Variants in FRMD4A observed in about 807,000 individuals in gnomAD.
FRMD4A encodes FERM domain-containing protein 4A.
In FRMD4A, 29 loss-of-function variants were observed where a neutral mutation model predicts 129.1. The observed-to-expected ratio is 0.22, with a 90% CI of 0.17 to 0.31. FRMD4A has a LOEUF of 0.31. Among genes scored for constraint, FRMD4A ranks in the 10% least tolerant of loss-of-function variants. FRMD4A has a pLI of 1.00. For missense variants in FRMD4A, 1,272 were observed against 1,375.8 expected, an observed-to-expected ratio of 0.92 and a Z score of 1.19; for synonymous variants, 634 against 571.6, an observed-to-expected ratio of 1.11 and a Z score of -1.56.
intron 2 of FRMD4A, among the ~76,000 whole-genome samples, chr10:14,110,013 T>C (rs1447391207): frequency 7.0e-6 from 1 of 143,294 alleles, no homozygotes; most frequent in African/African-American, 2.6e-5. Flanking sequence ...TAAAAAAGGT[T>C]TTCAACTCGG....
At chr10:13,653,347 C>G (rs1167872131) in intron 23 of FRMD4A, 1 of 152,294 alleles carries the variant, frequency 6.6e-6, no homozygotes, top group Non-Finnish European at 1.5e-5. Flanking sequence ...AACCCTGTCT[C>G]TACTAGAGAT....
At chr10:14,214,044 C>T (rs1304017361) in intron 2 of FRMD4A, among the ~76,000 whole-genome samples, 1 of 152,246 alleles carries the variant, frequency 6.6e-6, no homozygotes, top group Non-Finnish European at 1.5e-5. Context: ...GCTCTCTTGG[C>T]TGCCGCCATG....
intron 2 of FRMD4A, among the ~76,000 whole-genome samples, chr10:14,320,650 G>A (rs1846941554): frequency 6.6e-6 from 1 of 152,212 alleles, no homozygotes; most frequent in South Asian, 2.1e-4. Flanking sequence ...CATGCAGTGT[G>A]ACCTAAGCAT....
intron 2 of FRMD4A, among the ~76,000 whole-genome samples, chr10:13,985,701 A>G (rs1357781463): frequency 6.6e-6 from 1 of 152,232 alleles, no homozygotes; most frequent in Non-Finnish European, 1.5e-5. Context: ...GCATAAGCCC[A>G]CTGGGTTGGC....
At chr10:13,872,746 A>C (rs550643888) in intron 2 of FRMD4A, among the ~76,000 whole-genome samples, 6 of 152,236 alleles carry the variant, frequency 3.9e-5, no homozygotes, top group Non-Finnish European at 8.8e-5. Context: ...CTCTGGCTTC[A>C]GTATGAGTGA....
At chr10:14,247,559 T>G (rs1844286386) in intron 2 of FRMD4A, among the ~76,000 whole-genome samples, 1 of 152,122 alleles carries the variant, frequency 6.6e-6, no homozygotes, top group South Asian at 2.1e-4. Context: ...CTCTCTTCAC[T>G]CCACAGTCAG....
At chr10:14,038,104 C>T (rs919512513) in intron 2 of FRMD4A, among the ~76,000 whole-genome samples, 11 of 152,260 alleles carry the variant, frequency 7.2e-5, no homozygotes, top group Non-Finnish European at 1.0e-4. Context: ...GGGTGGATCA[C>T]GAAGTCAGGA....
chr10:14,141,047 C>T (rs1839809450), intron 2 of FRMD4A, among the ~76,000 whole-genome samples: 1 of 152,062 alleles, frequency 6.6e-6, no homozygotes, highest in Admixed American at 6.5e-5. Context: ...AGGTGGAGCA[C>T]AGGCCTGGTA....
At chr10:13,803,297 A>G (rs2093294395) in intron 4 of FRMD4A, among the ~76,000 whole-genome samples, 1 of 152,170 alleles carries the variant, frequency 6.6e-6, no homozygotes, top group Non-Finnish European at 1.5e-5. Context: ...TGTCTCCACT[A>G]TGTTTTAGTA....
At chr10:13,886,649 T>C (rs2094625369) in intron 2 of FRMD4A, among the ~76,000 whole-genome samples, 2 of 152,182 alleles carry the variant, frequency 1.3e-5, no homozygotes, top group African/African-American at 4.8e-5. Flanking sequence ...GGTGCAATCA[T>C]AGCTCACTGT....
intron 2 of FRMD4A, among the ~76,000 whole-genome samples, chr10:14,292,257 A>G (rs1043629703): frequency 6.6e-6 from 1 of 152,236 alleles, no homozygotes; most frequent in African/African-American, 2.4e-5. Flanking sequence ...TTATGAAGCT[A>G]TAGTAGTTAA....
At chr10:13,852,716 A>T (rs2094156664) in intron 3 of FRMD4A, among the ~76,000 whole-genome samples, 1 of 152,006 alleles carries the variant, frequency 6.6e-6, no homozygotes, top group Non-Finnish European at 1.5e-5. Flanking sequence ...ACTTGCTCAC[A>T]GCTGGCGTGT....
chr10:13,941,887 T>C (rs2095295261), intron 2 of FRMD4A, among the ~76,000 whole-genome samples: 1 of 152,196 alleles, frequency 6.6e-6, no homozygotes, highest in South Asian at 2.1e-4. Context: ...GGCCTCTCTT[T>C]TCTACTATAT....
chr10:13,763,781 G>T (rs928383593), intron 6 of FRMD4A, among the ~76,000 whole-genome samples: 1 of 152,024 alleles, frequency 6.6e-6, no homozygotes, highest in African/African-American at 2.4e-5. Flanking sequence ...TGTCACCCAA[G>T]CTGGAGTGCA....
intron 2 of FRMD4A, among the ~76,000 whole-genome samples, chr10:14,272,560 A>G (rs1477882041): frequency 6.6e-6 from 1 of 152,160 alleles, no homozygotes; most frequent in Non-Finnish European, 1.5e-5. Flanking sequence ...GAATTTCCTA[A>G]AGGTAGGATC....
chr10:14,059,984 C>T (rs1481402133), intron 2 of FRMD4A, among the ~76,000 whole-genome samples: 2 of 152,212 alleles, frequency 1.3e-5, no homozygotes, highest in Admixed American at 6.5e-5. Context: ...TGCTAACTCG[C>T]TAACTCAACT....
At chr10:14,326,154 G>A (rs948820894) in intron 2 of FRMD4A, 11 of 152,298 alleles carry the variant, frequency 7.2e-5, no homozygotes, top group Admixed American at 2.0e-4. Flanking sequence ...CTAGAGTCAA[G>A]CCAGACATCT....
At chr10:14,201,354 C>T (rs947373318) in intron 2 of FRMD4A, among the ~76,000 whole-genome samples, 5 of 152,142 alleles carry the variant, frequency 3.3e-5, no homozygotes, top group East Asian at 1.9e-4. Flanking sequence ...GAATAACTGG[C>T]GTCGGTTCCA....
chr10:13,876,435 T>G (rs1327979017), intron 2 of FRMD4A, among the ~76,000 whole-genome samples: 1 of 152,230 alleles, frequency 6.6e-6, no homozygotes, highest in Non-Finnish European at 1.5e-5. Context: ...TTTTCTCATA[T>G]AAATGTGTGG....
Sources: allele counts gnomAD v4.1 joint callset (sites outside exome capture counted in the v4.1 genomes callset), GRCh38; gene constraint gnomAD v4.1.1; transcripts MANE v1.5; gene names NCBI Gene and HGNC (gene_info 2026-07-23, HGNC 2026-07-21).